ADCY2: variants seen among roughly 807,000 people sequenced by gnomAD.
ADCY2 encodes the protein adenylate cyclase type 2.
Under a neutral mutation model 125.2 loss-of-function variants are expected in ADCY2, and 31 were observed. The ratio of observed to expected loss-of-function variants is 0.25; its 90% confidence interval spans 0.19 to 0.33. ADCY2 has a LOEUF of 0.33. ADCY2 is among the 10% of genes least tolerant of loss of function. The probability of loss-of-function intolerance (pLI) is 1.00; values close to 1 mark genes in which losing one functional copy is unlikely to be tolerated. For synonymous variants in ADCY2, 512 were observed against 548.4 expected (o/e 0.93, Z 0.93); for missense variants, 904 against 1,418.2 (o/e 0.64, Z 5.82).
At chr5:7,447,328 G>A (rs750022898) in intron 2 of ADCY2, among the ~76,000 whole-genome samples, 10 of 152,194 alleles carry the variant, frequency 6.6e-5, no homozygotes, top group East Asian at 3.9e-4. Flanking sequence ...GCCTGGCCAC[G>A]GCTATTCCTG....
chr5:7,398,709 G>T (rs754415344), intron 1 of ADCY2, among the ~76,000 whole-genome samples: 1 of 152,184 alleles, frequency 6.6e-6, no homozygotes, highest in South Asian at 2.1e-4. Context: ...GGGTTACTCA[G>T]TCTGATAGAA....
intron 2 of ADCY2, among the ~76,000 whole-genome samples, chr5:7,445,289 A>G (rs149261299): frequency 1.3e-5 from 2 of 152,242 alleles, no homozygotes; most frequent in Admixed American, 6.5e-5. Flanking sequence ...ATCTTTATCT[A>G]TGTGGCTACC....
At chr5:7,406,393 C>T (rs1739490894) in intron 1 of ADCY2, among the ~76,000 whole-genome samples, 1 of 152,174 alleles carries the variant, frequency 6.6e-6, no homozygotes, top group African/African-American at 2.4e-5. Flanking sequence ...CCAGCCACCT[C>T]ATATACCTAG....
chr5:7,744,951 C>T (rs772687057), intron 15 of ADCY2, among the ~76,000 whole-genome samples: 9 of 152,174 alleles, frequency 5.9e-5, no homozygotes, highest in East Asian at 3.8e-4. Flanking sequence ...TAGATGACAC[C>T]GCCAAGGAAG....
intron 15 of ADCY2, chr5:7,746,222 C>T (rs1419854606): frequency 1.3e-5 from 2 of 152,470 alleles, no homozygotes; most frequent in Non-Finnish European, 2.9e-5. Context: ...TCACAAGAAG[C>T]CTGGATGGTG....
chr5:7,517,255 C>T (rs1744283709), intron 2 of ADCY2, among the ~76,000 whole-genome samples: 1 of 152,160 alleles, frequency 6.6e-6, no homozygotes, highest in South Asian at 2.1e-4. Context: ...AATGAGATCC[C>T]TGGCTCTGCA....
intron 4 of ADCY2, among the ~76,000 whole-genome samples, chr5:7,637,191 C>T (rs771764637): frequency 7.2e-5 from 11 of 151,858 alleles, no homozygotes; most frequent in African/African-American, 1.2e-4. Flanking sequence ...CAGTTGGGGC[C>T]GGGTGTGCTG....
intron 2 of ADCY2, among the ~76,000 whole-genome samples, chr5:7,510,825 T>C (rs1744026485): frequency 6.6e-6 from 1 of 152,152 alleles, no homozygotes; most frequent in Non-Finnish European, 1.5e-5. Flanking sequence ...TTACTTACAG[T>C]GTGTGTGTGT....
intron 3 of ADCY2, among the ~76,000 whole-genome samples, chr5:7,551,035 T>TCCC (rs1561088860): frequency 1.8e-5 from 1 of 54,416 alleles, no homozygotes; most frequent in Admixed American, 2.2e-4. Context: ...CCTCCCTCCC[T>TCCC]TCCTCCCTTC....
intron 21 of ADCY2, among the ~76,000 whole-genome samples, chr5:7,803,610 G>A (rs1208569702): frequency 6.6e-6 from 1 of 152,184 alleles, no homozygotes; most frequent in African/African-American, 2.4e-5. Flanking sequence ...AGAAATAGTA[G>A]GGCTCGGGCC....
intron 2 of ADCY2, among the ~76,000 whole-genome samples, chr5:7,470,637 TG>T (rs1393140207): frequency 1.8e-4 from 8 of 44,744 alleles, no homozygotes; most frequent in African/African-American, 5.4e-4. Context: ...TGTATATATG[TG>T]TGTGTGTGTG....
chr5:7,631,698 A>G (rs935274812), intron 4 of ADCY2, among the ~76,000 whole-genome samples: 3 of 152,198 alleles, frequency 2.0e-5, no homozygotes, highest in Non-Finnish European at 4.4e-5. Context: ...ATCAGCTGCC[A>G]TCTTACTCCC....
chr5:7,456,483 T>C (rs1270775994), intron 2 of ADCY2, among the ~76,000 whole-genome samples: 1 of 152,190 alleles, frequency 6.6e-6, no homozygotes, highest in African/African-American at 2.4e-5. Flanking sequence ...ATGTGTACAC[T>C]CCATAAACCA....
intron 2 of ADCY2, among the ~76,000 whole-genome samples, chr5:7,474,474 G>A (rs1742448345): frequency 6.6e-6 from 1 of 152,222 alleles, no homozygotes; most frequent in Admixed American, 6.5e-5. Flanking sequence ...CTCTTAAGGA[G>A]ATGAAATGGT....
At chr5:7,484,734 T>C (rs1186052343) in intron 2 of ADCY2, among the ~76,000 whole-genome samples, 1 of 152,184 alleles carries the variant, frequency 6.6e-6, no homozygotes, top group African/African-American at 2.4e-5. Context: ...GGTACCAGTT[T>C]TCAGGTATTC....
intron 3 of ADCY2, among the ~76,000 whole-genome samples, chr5:7,576,677 A>C (rs1427671336): frequency 6.6e-6 from 1 of 152,160 alleles, no homozygotes; most frequent in Non-Finnish European, 1.5e-5. Context: ...TTCTTTGCAG[A>C]ATATGAAACT....
chr5:7,539,605 A>G (rs763609405), intron 3 of ADCY2, among the ~76,000 whole-genome samples: 2 of 152,196 alleles, frequency 1.3e-5, no homozygotes, highest in Non-Finnish European at 2.9e-5. Context: ...GTCAATAGGT[A>G]TTTCGAGTGA....
At chr5:7,466,059 A>G (rs1165914551) in intron 2 of ADCY2, among the ~76,000 whole-genome samples, 1 of 152,202 alleles carries the variant, frequency 6.6e-6, no homozygotes, top group African/African-American at 2.4e-5. Flanking sequence ...TCCTTTTAGC[A>G]CTAAGAATCT....
At chr5:7,752,111 T>A (rs1371791530) in intron 15 of ADCY2, among the ~76,000 whole-genome samples, 1 of 152,182 alleles carries the variant, frequency 6.6e-6, no homozygotes, top group African/African-American at 2.4e-5. Flanking sequence ...AGTGCAGGGA[T>A]GTGGCTCACC....
Sources: gnomAD v4.1 joint callset for allele counts (sites outside exome capture counted in the v4.1 genomes callset) on GRCh38, gnomAD v4.1.1 for gene constraint, MANE v1.5 for transcripts, NCBI Gene and HGNC (gene_info 2026-07-23, HGNC 2026-07-21) for gene names.